PARD3: variants seen among roughly 807,000 people sequenced by gnomAD.
The protein encoded by PARD3 is par-3 family cell polarity regulator.
Under a neutral mutation model 155.4 loss-of-function variants are expected in PARD3, and 75 were observed. The observed-to-expected ratio is 0.48, with a 90% confidence interval of 0.40 to 0.58. PARD3 has a LOEUF of 0.58. PARD3 is among the 20% of genes least tolerant of loss of function. The probability of loss-of-function intolerance (pLI) is 0.00; values close to 1 mark genes in which losing one functional copy is unlikely to be tolerated. For missense variants in PARD3, 1,642 were observed against 1,721.7 expected (o/e 0.95, Z 0.82); for synonymous variants, 576 against 610.5 (o/e 0.94, Z 0.83).
chr10:34,563,403 TC>T (rs1246516240), intron 2 of PARD3, among the ~76,000 whole-genome samples: 1 of 152,128 alleles, frequency 6.6e-6, no homozygotes, highest in Non-Finnish European at 1.5e-5. Context: ...AGTCTCGCAC[TC>T]TCACCAGGCT....
chr10:34,534,335 C>A (rs759192848), intron 2 of PARD3, among the ~76,000 whole-genome samples: 1 of 151,512 alleles, frequency 6.6e-6, no homozygotes, highest in Non-Finnish European at 1.5e-5. Flanking sequence ...CTGTCTGGGT[C>A]AAGTCAATGG....
At position 34,379,341 on chromosome 10, in the gene PARD3, A is replaced by G. The variant is rs1170667475; in HGVS notation, c.1400-1235T>C. 3.9e-5 allele frequency among the ~76,000 whole-genome samples: 6 copies of G among 152,124 alleles called. No individual in the cohort carries two copies. The East Asian group carries it at 1.2e-3, about 29-fold the overall frequency. Reference sequence around the variant, plus strand: ...ACCTACCATAGTTATTCTCAACATCAAACAAAGCATTCATTTACTTTAGTC... The same window carrying G: ...ACCTACCATAGTTATTCTCAACATCGAACAAAGCATTCATTTACTTTAGTC... On this transcript the variant is annotated intron_variant, in intron 9 of 24. Coordinates refer to ENST00000374788, the MANE Select transcript of PARD3 (RefSeq NM_001184785.2).
At chr10:34,286,326 T>C (rs1404699812) in intron 20 of PARD3, among the ~76,000 whole-genome samples, 1 of 152,212 alleles carries the variant, frequency 6.6e-6, no homozygotes, top group Non-Finnish European at 1.5e-5. Context: ...TCATTTCAAC[T>C]GCCATAGAGC....
chr10:34,285,904 T>C (rs942974376), intron 20 of PARD3, among the ~76,000 whole-genome samples: 21 of 152,170 alleles, frequency 1.4e-4, no homozygotes, highest in African/African-American at 4.6e-4. Flanking sequence ...AAACTGACTG[T>C]AAATTAACTT....
chr10:34,297,751 C>T (rs1010504143), intron 20 of PARD3, among the ~76,000 whole-genome samples: 1 of 152,172 alleles, frequency 6.6e-6, no homozygotes, highest in Admixed American at 6.5e-5. Context: ...TTCAGAGGCC[C>T]GAGGCCACCT....
chr10:34,478,796 G>T (rs569777347), intron 3 of PARD3, among the ~76,000 whole-genome samples: 1 of 152,244 alleles, frequency 6.6e-6, no homozygotes, highest in South Asian at 2.1e-4. Flanking sequence ...ACCCACCTGG[G>T]CCTCCCAAAG....
chr10:34,463,984 A>C (rs2077846699), intron 4 of PARD3, among the ~76,000 whole-genome samples: 1 of 152,222 alleles, frequency 6.6e-6, no homozygotes, highest in Non-Finnish European at 1.5e-5. Context: ...TGATGTTCAC[A>C]CAAGGATGAA....
chr10:34,155,745 G>A (rs771587760), intron 22 of PARD3, among the ~76,000 whole-genome samples: 5 of 150,430 alleles, frequency 3.3e-5, no homozygotes, highest in African/African-American at 4.9e-5. Flanking sequence ...TTGCTCTCGT[G>A]GCAGCAACAA....
At chr10:34,743,640 A>G (rs2095057310) in intron 1 of PARD3, among the ~76,000 whole-genome samples, 1 of 152,216 alleles carries the variant, frequency 6.6e-6, no homozygotes, top group South Asian at 2.1e-4. Flanking sequence ...TCGAGCCACA[A>G]AGACATCCTA....
chr10:34,704,154 T>C (rs1212480188), intron 1 of PARD3, among the ~76,000 whole-genome samples: 6 of 152,146 alleles, frequency 3.9e-5, no homozygotes, highest in African/African-American at 1.2e-4. Context: ...AAAATGGCAC[T>C]GAAAGAGTAC....
chr10:34,601,262 T>C (rs1463946998), intron 2 of PARD3, among the ~76,000 whole-genome samples: 1 of 125,280 alleles, frequency 8.0e-6, no homozygotes, highest in African/African-American at 3.3e-5. Flanking sequence ...CTCTTATCTC[T>C]ACAAAGAAAA....
At chr10:34,651,627 T>C (rs1352584790) in intron 2 of PARD3, among the ~76,000 whole-genome samples, 1 of 152,172 alleles carries the variant, frequency 6.6e-6, no homozygotes, top group African/African-American at 2.4e-5. Context: ...GGCCAGGCCA[T>C]GCTGGTTGTT....
At chr10:34,804,831 T>C (rs7098992) in intron 1 of PARD3, among the ~76,000 whole-genome samples, 53,692 of 152,092 alleles carry the variant, frequency 0.35, 10,626 homozygotes, top group African/African-American at 0.55. Flanking sequence ...TAGTCTCATA[T>C]ATACCACCAA....
intron 2 of PARD3, among the ~76,000 whole-genome samples, chr10:34,658,260 A>G (rs1473503643): frequency 6.6e-6 from 1 of 152,224 alleles, no homozygotes; most frequent in African/African-American, 2.4e-5. Flanking sequence ...TAATAACTAG[A>G]TACTATTTTA....
intron 22 of PARD3, among the ~76,000 whole-genome samples, chr10:34,179,627 A>C (rs569188211): frequency 6.6e-6 from 1 of 152,326 alleles, no homozygotes; most frequent in East Asian, 1.9e-4. Context: ...TCTTTGCACA[A>C]CTCATACCAA....
intron 1 of PARD3, among the ~76,000 whole-genome samples, chr10:34,721,582 G>C (rs576960721): frequency 6.6e-6 from 1 of 152,322 alleles, no homozygotes; most frequent in African/African-American, 2.4e-5. Context: ...TGACCAGGGG[G>C]CTCAACTACT....
intron 5 of PARD3, among the ~76,000 whole-genome samples, chr10:34,418,668 G>A (rs1845898647): frequency 1.3e-5 from 2 of 152,098 alleles, no homozygotes; most frequent in Non-Finnish European, 1.5e-5. Context: ...TCTTTATTGA[G>A]TGACTAACTT....
Position 34,659,492 on chromosome 10 carries a change from T to C in PARD3, c.222+36826A>G, listed in dbSNP as rs538395099. ...TTTAAAGGAAGTGCCACTCACATTG[T>C]AGCACCCAGAGGCCATTTCTTAATG... On this transcript the variant is annotated intron_variant, in intron 2 of 24. Coordinates refer to ENST00000374788, the MANE Select transcript of PARD3 (RefSeq NM_001184785.2). Among the ~76,000 whole-genome samples, 11 of 152,254 alleles carry C rather than the reference T, an allele frequency of 7.2e-5. No individual in the cohort carries two copies. The East Asian group carries it at 7.7e-4, about 11-fold the overall frequency.
intron 3 of PARD3, among the ~76,000 whole-genome samples, chr10:34,475,515 G>A (rs1275226886): frequency 6.6e-6 from 1 of 152,190 alleles, no homozygotes; most frequent in African/African-American, 2.4e-5. Context: ...CAGCTACAAT[G>A]TGAATGTGAA....
Sources: allele counts gnomAD v4.1 joint callset (sites outside exome capture counted in the v4.1 genomes callset), GRCh38; gene constraint gnomAD v4.1.1; transcripts MANE v1.5; gene names NCBI Gene and HGNC (gene_info 2026-07-23, HGNC 2026-07-21).